Variants in EIF2A observed in about 807,000 individuals in gnomAD.
EIF2A encodes 65 kDa eukaryotic translation initiation factor 2A.
In EIF2A, 62 loss-of-function variants were observed where a neutral mutation model predicts 75.2. The observed-to-expected ratio is 0.82, with a 90% CI of 0.67 to 1.02. EIF2A has a LOEUF of 1.02. Among genes scored for constraint, EIF2A ranks in the 50% least tolerant of loss-of-function variants. The pLI is 0.00. For synonymous variants in EIF2A, 207 were observed against 239.0 expected (o/e 0.87, Z 1.23); for missense variants, 611 against 677.7 (o/e 0.90, Z 1.09).
chr3:150,547,432 G>C (rs1439981945), intron 1 of EIF2A, among the ~76,000 whole-genome samples: 1 of 152,198 alleles, frequency 6.6e-6, no homozygotes, highest in African/African-American at 2.4e-5. Context: ...ATTAGAAATA[G>C]AACATTAGAG....
chr3:150,552,498 A>C, intron 2 of EIF2A, 73 bp downstream of exon 2: 1 of 1,286,032 alleles, frequency 7.8e-7, no homozygotes, highest in Non-Finnish European at 1.1e-6. Context: ...TTGGTGGTGT[A>C]TTTTGAACAA....
chr3:150,583,749 C>T (rs1304049867), intron 13 of EIF2A, 97 bp from the exon 14 acceptor site: 1 of 1,108,224 alleles, frequency 9.0e-7, no homozygotes, highest in South Asian at 1.4e-5. Flanking sequence ...TACTAGTGAA[C>T]ATAATAAATT....
chr3:150,583,999 C>A lies in EIF2A; in HGVS notation c.*88C>A. 8.2e-7 allele frequency: 1 copy of A among 1,218,250 alleles called. No individual in the cohort carries two copies. Among genetic ancestry groups the A allele is most frequent in the Non-Finnish European group, 1.2e-6 (1 of 853,494 alleles). The allele number at this position is 1,218,250 out of a possible 1,614,324, so 75.5% of individuals were successfully genotyped here. A position where few individuals can be genotyped will look rare whatever the true frequency, so the allele number is the denominator to read the frequency against. ...TTGGTATACACAGAATATTCCTGTG[C>A]CCACACTTAATGTCAATCTATAATT... On this transcript the variant is annotated 3_prime_UTR_variant, in exon 14 of 14. Transcript: ENST00000460851.
Position 150,550,697 on chromosome 3 carries a change from T to A in EIF2A, c.29-1659T>A, listed in dbSNP as rs577350473. Among the ~76,000 whole-genome samples the A allele has an allele frequency of 1.6e-4, 25 of 152,264 alleles. No individual in the cohort carries two copies. The South Asian group carries it at 1.7e-3, about 10-fold the overall frequency. ...TGAAACCTCGTCTCTACAAGAAATA[T>A]AAAACTTAACATGGCTTGGTGGTGG... On this transcript the variant is annotated intron_variant, in intron 1 of 13. Coordinates refer to ENST00000460851, the MANE Select transcript of EIF2A (RefSeq NM_032025.5).
chr3:150,583,734 G>C (rs1269635077), intron 13 of EIF2A, 112 bp from the exon 14 acceptor site: 9 of 933,854 alleles, frequency 9.6e-6, no homozygotes, highest in Admixed American at 5.2e-5. Flanking sequence ...TTTAAAATCT[G>C]TGTTTACTAG....
At chr3:150,563,030 A>C (rs1339343140) in intron 4 of EIF2A, 1 of 185,322 alleles carries the variant, frequency 5.4e-6, no homozygotes, top group African/African-American at 2.4e-5. Flanking sequence ...ACAGTAGACA[A>C]AACATCTAAG....
chr3:150,568,627 C>G (rs1416470632), intron 9 of EIF2A, among the ~76,000 whole-genome samples: 1 of 152,060 alleles, frequency 6.6e-6, no homozygotes, highest in Non-Finnish European at 1.5e-5. Flanking sequence ...TAGTAATATG[C>G]AAGAGGCCAG....
At chr3:150,551,379 G>A (rs1319308816) in intron 1 of EIF2A, among the ~76,000 whole-genome samples, 1 of 151,982 alleles carries the variant, frequency 6.6e-6, no homozygotes, top group African/African-American at 2.4e-5. Flanking sequence ...AGCATTTGTT[G>A]ACTAAATGAA....
chr3:150,575,297 T>C (rs1404757019), intron 10 of EIF2A, among the ~76,000 whole-genome samples: 1 of 152,248 alleles, frequency 6.6e-6, no homozygotes, highest in Non-Finnish European at 1.5e-5. Flanking sequence ...TGGGTTTCTG[T>C]TGACAATAGT....
Position 150,568,308 on chromosome 3 carries a change from G to A in EIF2A, c.811+16G>A. The A allele has an allele frequency of 1.3e-6, 2 of 1,571,688 alleles. No individual in the cohort carries two copies. The highest frequency in any genetic ancestry group is 1.7e-6 in the Non-Finnish European group (2 of 1,150,826). On this transcript the variant is annotated intron_variant, in intron 9 of 13. Transcript: ENST00000460851. ...GTGCAATTACGTGAGTATTCCAGCA[G>A]TCTTCCTTTGATTAGAAACAATGAT...
chr3:150,568,716 G>C (rs1033220802), intron 9 of EIF2A, among the ~76,000 whole-genome samples: 1 of 152,040 alleles, frequency 6.6e-6, no homozygotes, highest in African/African-American at 2.4e-5. Context: ...AGGAGTTCAA[G>C]ACCAGCCTGA....
chr3:150,562,697 A>T, intron 4 of EIF2A, 37 bp downstream of exon 4: 1 of 1,499,830 alleles, frequency 6.7e-7, no homozygotes, highest in Non-Finnish European at 9.2e-7. Context: ...CTCTGACACG[A>T]TCAATTACGT....
At chr3:150,554,269 CCTCA>C (rs1472522766) in intron 2 of EIF2A, among the ~76,000 whole-genome samples, 1 of 151,862 alleles carries the variant, frequency 6.6e-6, no homozygotes, top group Non-Finnish European at 1.5e-5. Flanking sequence ...TTGATGGAGT[CCTCA>C]CTCATTACTT....
Position 150,585,199 on chromosome 3 carries a change from T to G in EIF2A, c.*1288T>G, listed in dbSNP as rs1280975446. On this transcript the variant is annotated 3_prime_UTR_variant, in exon 14 of 14. Coordinates refer to ENST00000460851, the MANE Select transcript of EIF2A (RefSeq NM_032025.5). The stretch of plus-strand genomic sequence containing the variant: ...TTGCATCACTATGCCCAGCTTATAC[T>G]CACCATAGTGGTTCTGTACTCCCTT... Among the ~76,000 whole-genome samples, 1 of 152,130 alleles carries G rather than the reference T, an allele frequency of 6.6e-6. No homozygotes were observed. Among genetic ancestry groups the G allele is most frequent in the African/African-American group, 2.4e-5 (1 of 41,414 alleles).
chr3:150,567,825 TG>T, intron 7 of EIF2A, 59 bp downstream of exon 7: 1 of 1,572,478 alleles, frequency 6.4e-7, no homozygotes, highest in Non-Finnish European at 8.6e-7. Flanking sequence ...CCTAGTTTTT[TG>T]TGATTGTAAA....
At chr3:150,558,619 A>G in intron 3 of EIF2A, 157 bp downstream of exon 3, 1 of 530,914 alleles carries the variant, frequency 1.9e-6, no homozygotes, top group South Asian at 4.1e-5. Context: ...ATACCTTCAA[A>G]GTTGTTCATT....
At chr3:150,552,223 T>A in intron 1 of EIF2A, 133 bp from the exon 2 acceptor site, 1 of 709,588 alleles carries the variant, frequency 1.4e-6, no homozygotes, top group Non-Finnish European at 2.3e-6. Flanking sequence ...GTTGCTAATA[T>A]TCTATAGTTC....
Position 150,572,529 on chromosome 3 carries a change from G to A in EIF2A, c.1383G>A (p.Leu461=), listed in dbSNP as rs201145285. 3.8e-5 allele frequency: 61 copies of A among 1,597,682 alleles called. No individual in the cohort carries two copies. The highest frequency in any genetic ancestry group is 4.5e-5 in the Non-Finnish European group (53 of 1,172,954). The change falls in exon 10 of 14, where the codon TTG becomes TTA. Residue 461 remains leucine, a splice_region_variant and synonymous_variant. Coordinates refer to ENST00000460851, the MANE Select transcript of EIF2A (RefSeq NM_032025.5). ...ATAAACCAATCACCAATTCCAAATTGGTAAGTAAAGTTTTACTACTTTTAT... is the reference window on the plus strand; with the variant it reads ...ATAAACCAATCACCAATTCCAAATTAGTAAGTAAAGTTTTACTACTTTTAT... ...LRNKPITNSK[L]HEEEPPQNMK...
intron 9 of EIF2A, among the ~76,000 whole-genome samples, chr3:150,571,539 C>T (rs187593221): frequency 6.6e-6 from 1 of 152,100 alleles, no homozygotes; most frequent in African/African-American, 2.4e-5. Flanking sequence ...CCCAGGAAGT[C>T]GAGGCAGCAG....
Sources: allele counts gnomAD v4.1 joint callset (sites outside exome capture counted in the v4.1 genomes callset), GRCh38; gene constraint gnomAD v4.1.1; transcripts MANE v1.5; gene names NCBI Gene and HGNC (gene_info 2026-07-23, HGNC 2026-07-21).